Variants in TMC6 observed in about 807,000 individuals in gnomAD.
The protein encoded by TMC6 is transmembrane channel like 6, also known as transmembrane channel-like protein 6.
In TMC6, 71 loss-of-function variants were observed where a neutral mutation model predicts 95.4. The observed-to-expected ratio is 0.74, with a 90% CI of 0.61 to 0.91. TMC6 has a LOEUF of 0.91. TMC6 is among the 40% of genes least tolerant of loss of function. The pLI, the probability that TMC6 is intolerant of heterozygous loss-of-function variation, is 0.00. For synonymous variants in TMC6, 514 were observed against 483.1 expected (o/e 1.06, Z -0.84); for missense variants, 1,074 against 1,079.1 (o/e 1.00, Z 0.07).
rs748258392 is a variant in TMC6 at position 78,120,968 on chromosome 17, T to C, written c.1535+45A>G. Reference sequence around the variant, plus strand: ...GATACACCCGGAGCTAAACAACCAGTATCAGCTCCAGCACCAAATGATGTT... The same window carrying C: ...GATACACCCGGAGCTAAACAACCAGCATCAGCTCCAGCACCAAATGATGTT... On this transcript the variant is annotated intron_variant, in intron 12 of 19. Coordinates refer to ENST00000590602, the MANE Select transcript of TMC6 (RefSeq NM_001127198.5). The C allele has an allele frequency of 2.5e-6, 4 of 1,612,946 alleles. No individual in the cohort carries two copies. The South Asian group carries it at 4.4e-5, about 18-fold the overall frequency.
rs1484506712 is a variant in TMC6, at chr17:78,121,262, C to A, written c.1384-98G>T. The A allele has an allele frequency of 9.2e-6, 14 of 1,519,258 alleles. No individual in the cohort carries two copies. Among genetic ancestry groups the A allele is most frequent in the Non-Finnish European group, 1.1e-5 (13 of 1,131,912 alleles). The allele number at this position is 1,519,258 out of a possible 1,614,324, so 94.1% of individuals were successfully genotyped here. Reference sequence around the variant, plus strand: ...CCCGGGGTGGAACTGGCAGGTAGCACCTCCCTCCTCCAAGATCTGGCCCTC... The same window carrying A: ...CCCGGGGTGGAACTGGCAGGTAGCAACTCCCTCCTCCAAGATCTGGCCCTC... On this transcript the variant is annotated intron_variant, in intron 11 of 19. Transcript: ENST00000590602. This position sits in a 1 kb window ranked among gnomAD's most constrained non-coding sequence, Gnocchi z 5.6.
intron 5 of TMC6, 56 bp from the exon 6 acceptor site, chr17:78,125,319 G>A (rs2074651145): frequency 1.0e-5 from 15 of 1,490,062 alleles, no homozygotes; most frequent in Admixed American, 2.0e-5. Flanking sequence ...CCTGCAGCCC[G>A]AAGCCGGGAC....
upstream of TMC6, chr17:78,131,469 C>A (rs973920933): frequency 1.8e-5 from 25 of 1,406,640 alleles, no homozygotes; most frequent in South Asian, 2.5e-5. Flanking sequence ...GACGGAAGGG[C>A]CCGCCCCCAG....
In TMC6 at chr17:78,122,212, C is replaced by A. The variant is rs2074449134; in HGVS notation, c.1227+393G>T. Among the ~76,000 whole-genome samples, 1 of 152,128 alleles carries A rather than the reference C, an allele frequency of 6.6e-6. No individual in the cohort carries two copies. Among genetic ancestry groups the A allele is most frequent in the African/African-American group, 2.4e-5 (1 of 41,418 alleles). On this transcript the variant is annotated intron_variant, in intron 10 of 19. Coordinates refer to ENST00000590602, the MANE Select transcript of TMC6 (RefSeq NM_001127198.5). This position sits in a 1 kb window ranked among gnomAD's most constrained non-coding sequence, Gnocchi z 4.9. ...CTCTACGAGGGCCTCGGCCTCTATG[C>A]CTCAGTCTCCTCTCTGAGGCACACA...
rs2073758295 is a variant in TMC6, at chr17:78,108,727, T to C, written c.*4421A>G. The C allele has an allele frequency of 6.5e-6, 1 of 154,036 alleles. No individual in the cohort carries two copies. The highest frequency in any genetic ancestry group is 1.5e-5 in the Non-Finnish European group (1 of 68,200). 9.5% of individuals were successfully genotyped at this position (154,036 alleles called of 1,614,324 possible). ...GTGTCCAGGGCACCATTTCCACCCA[T>C]GGGTGAAAAAGAGGCTTGAGGAAGA... On this transcript the variant is annotated 3_prime_UTR_variant, in exon 20 of 20. Transcript: ENST00000590602.
At chr17:78,132,296 A>T, upstream of TMC6, 1 of 1,590,266 alleles carries the variant, frequency 6.3e-7, no homozygotes, top group Non-Finnish European at 8.6e-7. Context: ...CCGCCCTTGG[A>T]CTCTCAGCGC....
At position 78,126,827 on chromosome 17, in the gene TMC6, G is replaced by A. The variant is rs748822086; in HGVS notation, c.6C>T (p.Ala2=). Residue 2 remains alanine (A), a synonymous_variant, in exon 2 of 20, where the codon GCC becomes GCT. Transcript: ENST00000590602. M[A]QPLAFILDVP... ...CATCGAGGATGAAGGCCAGTGGCTG[G>A]GCCATGTCTCTGGCCAATGCCCGCT... 1.1e-5 allele frequency: 18 copies of A among 1,612,350 alleles called. No individual in the cohort carries two copies. The highest frequency in any genetic ancestry group is 1.4e-5 in the Non-Finnish European group (17 of 1,179,908).
chr17:78,117,638 C>T lies in TMC6; in HGVS notation c.2028G>A (p.Lys676=). ...GGAAGGGGCCGCAGGTGCTCGAGGGCTTCACCCTGGGGAAGATGCCGACCA... is the reference window on the plus strand; with the variant it reads ...GGAAGGGGCCGCAGGTGCTCGAGGGTTTCACCCTGGGGAAGATGCCGACCA... ...VFLCYAVWQV[K]PSSTCGPFRT... The change falls in exon 17 of 20, where the codon AAG becomes AAA. Residue 676 remains lysine (K), a synonymous_variant. Transcript: ENST00000590602. The T allele has an allele frequency of 6.4e-7, 1 of 1,570,008 alleles. No individual in the cohort carries two copies. Among genetic ancestry groups the T allele is most frequent in the Non-Finnish European group, 8.6e-7 (1 of 1,158,506 alleles).
intron 9 of TMC6, chr17:78,123,003 T>A (rs1256623818): frequency 3.4e-6 from 2 of 583,738 alleles, no homozygotes; most frequent in Non-Finnish European, 6.1e-6. Flanking sequence ...CTTGGCTGGC[T>A]GCCTCCCAGC....
chr17:78,118,040 G>A, intron 15 of TMC6, 105 bp from the exon 16 acceptor site: 1 of 1,532,942 alleles, frequency 6.5e-7, no homozygotes, highest in Non-Finnish European at 8.8e-7. Context: ...GTGCGTCCAG[G>A]CAGAGCCTGG....
Position 78,122,952 on chromosome 17 carries a change from C to T in TMC6, c.1083-203G>A. ...CATCCAACATAGCACCCACCAGCCACATCTGCCTAGAAGAGGGGGCAGGGC... is the reference window on the plus strand; with the variant it reads ...CATCCAACATAGCACCCACCAGCCATATCTGCCTAGAAGAGGGGGCAGGGC... On this transcript the variant is annotated intron_variant, in intron 9 of 19. Coordinates refer to ENST00000590602, the MANE Select transcript of TMC6 (RefSeq NM_001127198.5). This position sits in a 1 kb window ranked among gnomAD's most constrained non-coding sequence, Gnocchi z 4.9. 1 of 701,322 alleles carries T rather than the reference C, an allele frequency of 1.4e-6. No homozygotes were observed. Among genetic ancestry groups the T allele is most frequent in the Admixed American group, 2.3e-5 (1 of 43,808 alleles). 43.4% of individuals were successfully genotyped at this position (701,322 alleles called of 1,614,324 possible).
chr17:78,113,214 G>T lies in TMC6; in HGVS notation c.2355-3C>A, dbSNP rs1332479466. The T allele has an allele frequency of 6.4e-7, 1 of 1,553,030 alleles. No individual in the cohort carries two copies. The highest frequency in any genetic ancestry group is 2.0e-5 in the Admixed American group (1 of 51,020). ...CAGCCTCCTCGGTTGTCCCAACCCT[G>T]CCAGAAAGAGACATCACTGAGGGGA... On this transcript the variant is annotated splice_region_variant and splice_polypyrimidine_tract_variant and intron_variant, in intron 19 of 19. Coordinates refer to ENST00000590602, the MANE Select transcript of TMC6 (RefSeq NM_001127198.5).
rs1321895585 is a variant in TMC6, at chr17:78,107,907, A to G, written c.*5241T>C. ...TGTTTCCTAGACATTTTATGCATCT[A>G]TTTTTGTAAAATCACCTTCGCTAAC... On this transcript the variant is annotated 3_prime_UTR_variant, in exon 20 of 20. Transcript: ENST00000590602. 3 of 152,174 alleles carry G rather than the reference A, an allele frequency of 2.0e-5. No individual in the cohort carries two copies. The highest frequency in any genetic ancestry group is 4.4e-5 in the Non-Finnish European group (3 of 68,040). 9.4% of individuals were successfully genotyped at this position (152,174 alleles called of 1,614,324 possible).
upstream of TMC6, chr17:78,130,651 G>A (rs2074939799): frequency 6.6e-6 from 1 of 152,304 alleles, no homozygotes; most frequent in East Asian, 1.9e-4. Flanking sequence ...GCATCTCAGG[G>A]GCCCACAGGA....
At position 78,121,810 on chromosome 17, in the gene TMC6, A is replaced by G; in HGVS notation, c.1228-99T>C. 4 of 1,444,096 alleles carry G rather than the reference A, an allele frequency of 2.8e-6. No homozygotes were observed. The highest frequency in any genetic ancestry group is 2.8e-6 in the Non-Finnish European group (3 of 1,085,538). The allele number at this position is 1,444,096 out of a possible 1,614,324, so 89.5% of individuals were successfully genotyped here. A position where few individuals can be genotyped will look rare whatever the true frequency, so the allele number is the denominator to read the frequency against. ...ACACACAACACACATGAGACACACC[A>G]GGAGGCTTGAACCAGGACAGAGGGC... On this transcript the variant is annotated intron_variant, in intron 10 of 19. Transcript: ENST00000590602. This position sits in a 1 kb window ranked among gnomAD's most constrained non-coding sequence, Gnocchi z 5.6.
Position 78,123,978 on chromosome 17 carries a change from G to A in TMC6, c.1082+11C>T, listed in dbSNP as rs1391492677. 5 of 1,613,568 alleles carry A rather than the reference G, an allele frequency of 3.1e-6. No individual in the cohort carries two copies. The highest frequency in any genetic ancestry group is 2.7e-5 in the African/African-American group (2 of 74,880). ...GAGCTCGGAGCCTGGGTCATGAGGT[G>A]GAGGCATTACCTGTACACCAGGGTG... is the stretch of plus-strand genomic sequence containing the variant. On this transcript the variant is annotated intron_variant, in intron 9 of 19. Coordinates refer to ENST00000590602, the MANE Select transcript of TMC6 (RefSeq NM_001127198.5).
intron 18 of TMC6, among the ~76,000 whole-genome samples, chr17:78,114,691 A>T (rs1313074631): frequency 1.3e-5 from 2 of 152,020 alleles, no homozygotes; most frequent in Non-Finnish European, 2.9e-5. Flanking sequence ...TAGGAGGACC[A>T]CTTAGAATAC....
upstream of TMC6, chr17:78,131,676 C>G (rs1037469341): frequency 5.1e-6 from 8 of 1,572,966 alleles, no homozygotes; most frequent in Non-Finnish European, 6.9e-6. Flanking sequence ...GGAGCGGCTG[C>G]GCGGCTCTGG....
At chr17:78,131,808 G>A, upstream of TMC6, 1 of 1,517,708 alleles carries the variant, frequency 6.6e-7, no homozygotes, top group Non-Finnish European at 8.8e-7. Flanking sequence ...GATGGTGTGG[G>A]AGCACCCCGT....
Sources: allele counts gnomAD v4.1 joint callset (sites outside exome capture counted in the v4.1 genomes callset), GRCh38; gene constraint gnomAD v4.1.1; non-coding constraint Gnocchi (gnomAD v3.1); transcripts MANE v1.5; gene names NCBI Gene and HGNC (gene_info 2026-07-23, HGNC 2026-07-21).